Variants in ZBTB10 observed in about 807,000 individuals in gnomAD.
The protein encoded by ZBTB10 is zinc finger and BTB domain containing 10, also known as zinc finger and BTB domain-containing protein 10.
In ZBTB10, 32 loss-of-function variants were observed where a neutral mutation model predicts 76.4. That is an observed-to-expected ratio of 0.42 (90% CI 0.32 to 0.56). ZBTB10 has a LOEUF of 0.56. Ranked by LOEUF, ZBTB10 falls within the 20% of genes least tolerant of loss-of-function variation. The pLI, the probability that ZBTB10 is intolerant of heterozygous loss-of-function variation, is 0.14. For missense variants in ZBTB10, 1,057 were observed against 1,098.5 expected (o/e 0.96, Z 0.53); for synonymous variants, 523 against 432.9 (o/e 1.21, Z -2.58).
intron 1 of ZBTB10, among the ~76,000 whole-genome samples, chr8:80,497,659 A>G (rs1815820404): frequency 6.6e-6 from 1 of 150,630 alleles, no homozygotes; most frequent in Admixed American, 6.6e-5. Flanking sequence ...TTCACAGTGA[A>G]ACAGTTGAAG....
chr8:80,488,380 CTG>C (rs1329142542), intron 1 of ZBTB10, among the ~76,000 whole-genome samples: 4 of 152,170 alleles, frequency 2.6e-5, no homozygotes, highest in South Asian at 2.1e-4. Flanking sequence ...AAATTAATCT[CTG>C]TTGAACTTTC....
Position 80,521,163 on chromosome 8 carries a change from A to G in ZBTB10, c.*1635A>G, listed in dbSNP as rs1816441061. 6.6e-6 allele frequency: 1 copy of G among 151,854 alleles called. No individual in the cohort carries two copies. Among genetic ancestry groups the G allele is most frequent in the East Asian group, 1.9e-4 (1 of 5,184 alleles). The allele number at this position is 151,854 out of a possible 1,614,324, so 9.4% of individuals were successfully genotyped here. On this transcript the variant is annotated 3_prime_UTR_variant, in exon 6 of 6. Coordinates refer to ENST00000455036, the MANE Select transcript of ZBTB10 (RefSeq NM_001105539.3). ...TCTGATTTCAGTAGAATAATGGTTT[A>G]TTGTTAGACAATGATGTTTCTGCTT...
At position 80,487,258 on chromosome 8, in the gene ZBTB10, T is replaced by C; in HGVS notation, c.448T>C (p.Leu150=). 1 of 1,551,574 alleles carries C rather than the reference T, an allele frequency of 6.4e-7. No homozygotes were observed. The highest frequency in any genetic ancestry group is 1.4e-5 in the African/African-American group (1 of 73,230). ...CCGCCCCGAGACCTCGGTGTGGCCCTTGAGGCATTTCAATGGGCGAGGGCC... is the reference window on the plus strand; with the variant it reads ...CCGCCCCGAGACCTCGGTGTGGCCCCTGAGGCATTTCAATGGGCGAGGGCC... The part of the protein sequence containing the change: ...RGRPETSVWP[L]RHFNGRGPAT... The change falls in exon 1 of 6, where the codon TTG becomes CTG. Residue 150 remains leucine (L), a synonymous_variant. Transcript: ENST00000455036.
Position 80,486,600 on chromosome 8 carries a change from CCCGGCA to C in ZBTB10, c.-210_-205del, listed in dbSNP as rs1815462117. ...ACGAGAGAGCGGTCGGAGGCGTCGG[CCCGGCA>C]GCGGCAGCGGCAGCGGACGCGTGCA... On this transcript the variant is annotated 5_prime_UTR_variant, in exon 1 of 6. Coordinates refer to ENST00000455036, the MANE Select transcript of ZBTB10 (RefSeq NM_001105539.3). 1 of 985,370 alleles carries C rather than the reference CCCGGCA, an allele frequency of 1.0e-6. No individual in the cohort carries two copies. The highest frequency in any genetic ancestry group is 4.7e-5 in the South Asian group (1 of 21,322). 61.0% of individuals were successfully genotyped at this position (985,370 alleles called of 1,614,324 possible). A position where few individuals can be genotyped will look rare whatever the true frequency, so the allele number is the denominator to read the frequency against.
At chr8:80,500,518 C>A in intron 2 of ZBTB10, 136 bp downstream of exon 2, 1 of 835,170 alleles carries the variant, frequency 1.2e-6, no homozygotes, top group Non-Finnish European at 1.8e-6. Flanking sequence ...GGGGGAACGT[C>A]ATTCAAATGC....
Position 80,486,952 on chromosome 8 carries a change from C to T in ZBTB10, c.142C>T (p.Pro48Ser). 6.6e-7 allele frequency: 1 copy of T among 1,513,596 alleles called. No homozygotes were observed. The highest frequency in any genetic ancestry group is 8.8e-7 in the Non-Finnish European group (1 of 1,135,700). The allele number at this position is 1,513,596 out of a possible 1,614,324, so 93.8% of individuals were successfully genotyped here. Residue 48 changes from proline to serine, a missense_variant, in exon 1 of 6, where the codon CCG becomes TCG. Transcript: ENST00000455036. ...TCCGCAGCCCCAGCCGAGACAGCCC[C>T]CGCCGCCAGCGCCGCCCGCGCTTCA... is the stretch of plus-strand genomic sequence containing the variant. ...WPPQPQPRQP[P>S]PPAPPALQPP... is the part of the protein sequence containing the mutation.
intron 2 of ZBTB10, among the ~76,000 whole-genome samples, chr8:80,505,361 G>C (rs937983591): frequency 2.6e-5 from 4 of 152,082 alleles, no homozygotes; most frequent in Non-Finnish European, 5.9e-5. Context: ...TTCCTTAGAT[G>C]TTTTCTAGTA....
rs574847889 is a variant in ZBTB10, at chr8:80,496,656, A to G, written c.973-2838A>G. 3.9e-5 allele frequency among the ~76,000 whole-genome samples: 6 copies of G among 152,344 alleles called. No homozygotes were observed. In the South Asian group the frequency reaches 1.0e-3, roughly 26 times the overall value. On this transcript the variant is annotated intron_variant, in intron 1 of 5. Coordinates refer to ENST00000455036, the MANE Select transcript of ZBTB10 (RefSeq NM_001105539.3). The stretch of plus-strand genomic sequence containing the variant: ...ATGATAAAGGCAGAGAATCTTAACA[A>G]TTGGCACTGGCCCAGAAAATTCAGG...
At chr8:80,494,439 G>A (rs931500969) in intron 1 of ZBTB10, among the ~76,000 whole-genome samples, 6 of 152,092 alleles carry the variant, frequency 3.9e-5, no homozygotes, top group African/African-American at 1.4e-4. Flanking sequence ...AGTTGGTGGC[G>A]TTGTTTAGGC....
rs1403569934 is a variant in ZBTB10 at position 80,486,491 on chromosome 8, G to A, written c.-320G>A. ...CTCAACTTCGAAGGCCTCGCTCGCT[G>A]CAGGCTCGCTCCTCACCTCTCCGCC... On this transcript the variant is annotated 5_prime_UTR_variant, in exon 1 of 6. Coordinates refer to ENST00000455036, the MANE Select transcript of ZBTB10 (RefSeq NM_001105539.3). 5.1e-6 allele frequency: 5 copies of A among 985,354 alleles called. No homozygotes were observed. In the East Asian group the frequency reaches 3.5e-4, roughly 68 times the overall value. 61.0% of individuals were successfully genotyped at this position (985,354 alleles called of 1,614,324 possible).
chr8:80,486,177 C>T, upstream of ZBTB10: 2 of 1,178,742 alleles, frequency 1.7e-6, no homozygotes, highest in Non-Finnish European at 2.1e-6. Flanking sequence ...TTTCCCCCTC[C>T]AGCGGTTACT....
In ZBTB10 at chr8:80,525,936, C is replaced by T. The variant is rs903018200; in HGVS notation, c.*6408C>T. The T allele has an allele frequency of 6.6e-6, 1 of 152,114 alleles. No homozygotes were observed. Among genetic ancestry groups the T allele is most frequent in the Non-Finnish European group, 1.5e-5 (1 of 68,024 alleles). 9.4% of individuals were successfully genotyped at this position (152,114 alleles called of 1,614,324 possible). On this transcript the variant is annotated 3_prime_UTR_variant, in exon 6 of 6. Transcript: ENST00000455036. ...ATATGATACGTGGTGTCACACTGAG[C>T]CTTTGGGATCCTTTCCCTGGATACA... is the stretch of plus-strand genomic sequence containing the variant.
chr8:80,524,198 T>G lies in ZBTB10; in HGVS notation c.*4670T>G, dbSNP rs1478688396. 2.0e-5 allele frequency: 3 copies of G among 152,158 alleles called. No individual in the cohort carries two copies. The highest frequency in any genetic ancestry group is 7.2e-5 in the African/African-American group (3 of 41,568). The allele number at this position is 152,158 out of a possible 1,614,324, so 9.4% of individuals were successfully genotyped here. A position where few individuals can be genotyped will look rare whatever the true frequency, so the allele number is the denominator to read the frequency against. ...ATTCAGATATCTTTGTACTTAAGGC[T>G]TACAAGTTTGAATTATGGAATACTA... On this transcript the variant is annotated 3_prime_UTR_variant, in exon 6 of 6. Transcript: ENST00000455036.
chr8:80,492,374 T>G (rs527309555), intron 1 of ZBTB10, among the ~76,000 whole-genome samples: 1 of 152,346 alleles, frequency 6.6e-6, no homozygotes, highest in Non-Finnish European at 1.5e-5. Context: ...TTTGTTAACA[T>G]TCATTCTCTC....
chr8:80,506,644 TTTA>T (rs1244192605), intron 2 of ZBTB10, among the ~76,000 whole-genome samples: 1 of 150,550 alleles, frequency 6.6e-6, no homozygotes, highest in Non-Finnish European at 1.5e-5. Context: ...ATATTCATGT[TTTA>T]TTGTATAAAT....
rs1181748805 is a variant in ZBTB10, at chr8:80,486,976, C to A, written c.166C>A (p.Gln56Lys). The A allele has an allele frequency of 1.3e-6, 2 of 1,513,728 alleles. No homozygotes were observed. Among genetic ancestry groups the A allele is most frequent in the Admixed American group, 4.1e-5 (2 of 48,468 alleles). The allele number at this position is 1,513,728 out of a possible 1,614,324, so 93.8% of individuals were successfully genotyped here. ...QPPPPAPPAL[Q>K]PPNGRGADEE... is the part of the protein sequence containing the mutation. ...CCCGCCGCCAGCGCCGCCCGCGCTT[C>A]AGCCGCCTAATGGGCGGGGGGCCGA... Residue 56 changes from glutamine to lysine, a missense_variant, in exon 1 of 6, where the codon CAG (glutamine) becomes AAG (lysine). Physicochemically the swap from Gln to Lys is moderately conservative, Grantham distance 53. This residue lies in a region of ZBTB10 where 556 missense variants were observed against 451.7 expected (regional missense o/e 1.23). Coordinates refer to ENST00000455036, the MANE Select transcript of ZBTB10 (RefSeq NM_001105539.3).
In ZBTB10 at chr8:80,486,277, G is replaced by A. The variant is rs1271027370; in HGVS notation, c.-534G>A. The A allele has an allele frequency of 9.8e-6, 10 of 1,015,724 alleles. No homozygotes were observed. The highest frequency in any genetic ancestry group is 1.2e-5 in the Non-Finnish European group (10 of 851,090). The allele number at this position is 1,015,724 out of a possible 1,614,324, so 62.9% of individuals were successfully genotyped here. A position where few individuals can be genotyped will look rare whatever the true frequency, so the allele number is the denominator to read the frequency against. ...CTGGTCGGACGGAAACGCTCCGCCGGCTTTATTGTCGCTTCGTTATGTGGC... is the reference window on the plus strand; with the variant it reads ...CTGGTCGGACGGAAACGCTCCGCCGACTTTATTGTCGCTTCGTTATGTGGC... On this transcript the variant is annotated 5_prime_UTR_variant, in exon 1 of 6. Coordinates refer to ENST00000455036, the MANE Select transcript of ZBTB10 (RefSeq NM_001105539.3).
chr8:80,494,294 A>G (rs188716348), intron 1 of ZBTB10, among the ~76,000 whole-genome samples: 9 of 152,350 alleles, frequency 5.9e-5, no homozygotes, highest in East Asian at 5.8e-4. Flanking sequence ...TTAACTGAAT[A>G]ACATTTTCCT....
chr8:80,489,701 A>G (rs1815574341), intron 1 of ZBTB10, among the ~76,000 whole-genome samples: 1 of 152,072 alleles, frequency 6.6e-6, no homozygotes, highest in Non-Finnish European at 1.5e-5. Flanking sequence ...CTTGACCCGA[A>G]CTACGACTCT....
Sources: gnomAD v4.1 joint callset for allele counts (sites outside exome capture counted in the v4.1 genomes callset) on GRCh38, gnomAD v4.1.1 for gene constraint, gnomAD v4.1.1 regional missense constraint, MANE v1.5 for transcripts, NCBI Gene and HGNC (gene_info 2026-07-23, HGNC 2026-07-21) for gene names.